The following PCDHA2 variants were observed in gnomAD, a reference collection of about 807,000 sequenced individuals.
PCDHA2 encodes protocadherin alpha-2.
A neutral mutation model predicts 66.0 loss-of-function variants in PCDHA2; 58 were observed. That is an observed-to-expected ratio of 0.88 (90% CI 0.71 to 1.09). PCDHA2 has a LOEUF of 1.09. Ranked by LOEUF, PCDHA2 falls within the 50% of genes least tolerant of loss-of-function variation. The pLI, the probability that PCDHA2 is intolerant of heterozygous loss-of-function variation, is 0.00. For synonymous variants in PCDHA2, 634 were observed against 554.0 expected, an observed-to-expected ratio of 1.14 and a Z score of -2.03; for missense variants, 1,267 against 1,242.3, an observed-to-expected ratio of 1.02 and a Z score of -0.30.
intron 1 of PCDHA2, chr5:140,801,934 T>C: frequency 1.2e-6 from 2 of 1,614,192 alleles, no homozygotes; most frequent in Middle Eastern, 1.6e-4. Flanking sequence ...GAGAGGACGA[T>C]CTATAAAGTC....
chr5:140,834,220 A>C lies in PCDHA2; in HGVS notation c.2388+36868A>C, dbSNP rs2150214297. ...TACCGCAAATTCTTTCGTAATCAGC[A>C]AAAGGAAGTCATTCCTTTTCGCACT... On this transcript the variant is annotated intron_variant, in intron 1 of 3. Transcript: ENST00000526136. 3,272 of 686,096 alleles carry C rather than the reference A, an allele frequency of 4.8e-3. 83 individuals carry two copies. In the African/African-American group the frequency reaches 0.051, roughly 11 times the overall value. 42.5% of individuals were successfully genotyped at this position (686,096 alleles called of 1,614,324 possible).
chr5:140,846,000 G>GA (rs1346490644), intron 1 of PCDHA2, among the ~76,000 whole-genome samples: 2 of 149,558 alleles, frequency 1.3e-5, no homozygotes, highest in Admixed American at 6.7e-5. Context: ...GTGGTGGAAT[G>GA]AAAAAAATCT....
At chr5:140,836,381 G>T (rs2150259346) in intron 1 of PCDHA2, 8 of 1,613,746 alleles carry the variant, frequency 5.0e-6, no homozygotes, top group South Asian at 1.1e-5. Context: ...CCACCGTGCT[G>T]GTGTCGCTGG....
chr5:140,877,992 A>C, intron 1 of PCDHA2: 1 of 1,096,636 alleles, frequency 9.1e-7, no homozygotes, highest in South Asian at 2.1e-5. Context: ...TTGAACTTTT[A>C]TGTATTTGTC....
At chr5:140,867,461 T>C (rs1197194209) in intron 1 of PCDHA2, 1 of 152,126 alleles carries the variant, frequency 6.6e-6, no homozygotes, top group African/African-American at 2.4e-5. Context: ...TCTAGTGTTA[T>C]GACAACATTG....
chr5:140,923,189 C>A (rs1452451112), intron 1 of PCDHA2, among the ~76,000 whole-genome samples: 1 of 152,210 alleles, frequency 6.6e-6, no homozygotes, highest in African/African-American at 2.4e-5. Flanking sequence ...GCATCTACTG[C>A]AGCAATTTGG....
chr5:140,896,929 G>A (rs2065808653), intron 1 of PCDHA2, among the ~76,000 whole-genome samples: 2 of 152,106 alleles, frequency 1.3e-5, no homozygotes, highest in African/African-American at 4.8e-5. Flanking sequence ...ATCACATCAT[G>A]GAAAATGGAA....
intron 1 of PCDHA2, among the ~76,000 whole-genome samples, chr5:140,873,139 A>G (rs1325307438): frequency 6.6e-6 from 1 of 152,216 alleles, no homozygotes; most frequent in Non-Finnish European, 1.5e-5. Context: ...TCTATGCTGA[A>G]GCCTATTCAT....
chr5:140,865,389 A>T (rs1184678268), intron 1 of PCDHA2: 2 of 152,350 alleles, frequency 1.3e-5, no homozygotes, highest in Non-Finnish European at 2.9e-5. Flanking sequence ...GGGTAAAGTT[A>T]ATATAAATGC....
At chr5:140,871,113 G>A (rs782238733) in intron 1 of PCDHA2, 24 of 1,613,188 alleles carry the variant, frequency 1.5e-5, no homozygotes, top group South Asian at 7.7e-5. Flanking sequence ...CGTTGGTGGA[G>A]AGCGGACAGG....
intron 1 of PCDHA2, chr5:140,968,973 C>T (rs1404110882): frequency 4.3e-6 from 7 of 1,614,076 alleles, no homozygotes; most frequent in African/African-American, 2.7e-5. Flanking sequence ...CGCTACACTG[C>T]GTATGGCACT....
chr5:140,841,273 T>G, intron 1 of PCDHA2: 30 of 1,504,326 alleles, frequency 2.0e-5, no homozygotes, highest in Middle Eastern at 1.8e-4. Context: ...GTACAGTCGT[T>G]CATCTTTATA....
chr5:140,978,044 G>A (rs1205342779), intron 1 of PCDHA2, among the ~76,000 whole-genome samples: 1 of 152,140 alleles, frequency 6.6e-6, no homozygotes, highest in Non-Finnish European at 1.5e-5. Flanking sequence ...GACAGTGATG[G>A]TGACTGATGA....
rs2150102424 is a variant in PCDHA2 at position 140,818,806 on chromosome 5, G to A, written c.2388+21454G>A. 4.6e-5 allele frequency among the ~76,000 whole-genome samples: 7 copies of A among 152,310 alleles called. No individual in the cohort carries two copies. In the East Asian group the frequency reaches 7.7e-4, roughly 17 times the overall value. On this transcript the variant is annotated intron_variant, in intron 1 of 3. Transcript: ENST00000526136. Reference sequence around the variant, plus strand: ...GACTGTACCACTGCACTCCAGCCTCGGTCAGAGTGAGACTCTTTGTCACCC... The same window carrying A: ...GACTGTACCACTGCACTCCAGCCTCAGTCAGAGTGAGACTCTTTGTCACCC...
At chr5:140,828,112 T>A (rs2150151121) in intron 1 of PCDHA2, 6 of 1,611,926 alleles carry the variant, frequency 3.7e-6, no homozygotes, top group Non-Finnish European at 5.1e-6. Context: ...CCCCGGAGGA[T>A]AGATTGGGAA....
At chr5:140,817,734 T>C (rs2150098892) in intron 1 of PCDHA2, 7 of 152,242 alleles carry the variant, frequency 4.6e-5, no homozygotes, top group Non-Finnish European at 8.8e-5. Context: ...TATGTTTCTT[T>C]CTGGGATCAT....
At chr5:140,938,538 AT>A (rs1278860544) in intron 1 of PCDHA2, among the ~76,000 whole-genome samples, 1 of 135,490 alleles carries the variant, frequency 7.4e-6, no homozygotes, top group Non-Finnish European at 1.6e-5. Context: ...GATAATATGG[AT>A]TTTTATCCTT....
At chr5:140,886,107 G>T (rs1340579685) in intron 1 of PCDHA2, among the ~76,000 whole-genome samples, 2 of 152,142 alleles carry the variant, frequency 1.3e-5, no homozygotes, top group Non-Finnish European at 2.9e-5. Flanking sequence ...ATACAGTAAA[G>T]AAGTAACATA....
intron 1 of PCDHA2, chr5:140,829,701 C>T: frequency 1.2e-6 from 2 of 1,613,356 alleles, no homozygotes; most frequent in South Asian, 1.1e-5. Flanking sequence ...CAGGTGAGCG[C>T]GCGCGACGCG....
Sources: allele counts gnomAD v4.1 joint callset (sites outside exome capture counted in the v4.1 genomes callset), GRCh38; gene constraint gnomAD v4.1.1; transcripts MANE v1.5; gene names NCBI Gene and HGNC (gene_info 2026-07-23, HGNC 2026-07-21).